DNM3: variants seen among roughly 807,000 people sequenced by gnomAD.
The protein encoded by DNM3 is dynamin 3, also known as dynamin-3.
Under a neutral mutation model 101.6 loss-of-function variants are expected in DNM3, and 47 were observed. That is an observed-to-expected ratio of 0.46 (90% CI 0.37 to 0.59). The LOEUF is 0.59. Among genes scored for constraint, DNM3 ranks in the 20% least tolerant of loss-of-function variants. The pLI is 0.00. For synonymous variants in DNM3, 385 were observed against 387.9 expected, an observed-to-expected ratio of 0.99 and a Z score of 0.09; for missense variants, 849 against 1,085.7, an observed-to-expected ratio of 0.78 and a Z score of 3.06.
intron 2 of DNM3, among the ~76,000 whole-genome samples, chr1:171,944,749 T>C (rs1465951848): frequency 6.6e-6 from 1 of 151,974 alleles, no homozygotes; most frequent in Non-Finnish European, 1.5e-5. Context: ...GCCTAAGGAA[T>C]GTTGGTCCAA....
rs116588570 is a variant in DNM3 at position 171,933,347 on chromosome 1, A to G, written c.235+11526A>G. Reference sequence around the variant, plus strand: ...TTAATTGGGACATAATATAAGTATGACTTCCTTTTGATTCATTCATTTATT... The same window carrying G: ...TTAATTGGGACATAATATAAGTATGGCTTCCTTTTGATTCATTCATTTATT... On this transcript the variant is annotated intron_variant, in intron 2 of 20. Transcript: ENST00000627582. Among the ~76,000 whole-genome samples the G allele has an allele frequency of 7.6e-3, 1,162 of 152,266 alleles. 8 individuals carry two copies. Among genetic ancestry groups the G allele is most frequent in the African/African-American group, 0.027 (1,107 of 41,542 alleles).
intron 2 of DNM3, among the ~76,000 whole-genome samples, chr1:171,978,625 CAG>C (rs1395950325): frequency 6.6e-6 from 1 of 152,136 alleles, no homozygotes; most frequent in African/African-American, 2.4e-5. Context: ...AGGCTTTAAA[CAG>C]GGGAGAAGCA....
At chr1:172,101,053 G>T (rs1005010755) in intron 13 of DNM3, among the ~76,000 whole-genome samples, 9 of 152,176 alleles carry the variant, frequency 5.9e-5, no homozygotes, top group Non-Finnish European at 7.3e-5. Context: ...ATGGGACAAG[G>T]GATGTTCCTC....
chr1:172,053,305 C>A (rs546186987), intron 10 of DNM3, among the ~76,000 whole-genome samples: 10 of 152,180 alleles, frequency 6.6e-5, no homozygotes, highest in African/African-American at 2.4e-4. Context: ...CACTTTCCCT[C>A]CTGTGTTTAC....
intron 14 of DNM3, among the ~76,000 whole-genome samples, chr1:172,240,872 A>G (rs1263600302): frequency 1.3e-5 from 2 of 152,204 alleles, no homozygotes; most frequent in East Asian, 1.9e-4. Flanking sequence ...AAAAAGAAAT[A>G]GGAAAATTCA....
At chr1:172,121,146 C>A (rs1470823155) in intron 13 of DNM3, among the ~76,000 whole-genome samples, 8 of 152,116 alleles carry the variant, frequency 5.3e-5, no homozygotes, top group Admixed American at 2.6e-4. Flanking sequence ...CATTTGGAAT[C>A]CCTTCCACAT....
At chr1:172,192,567 C>T (rs1275942983) in intron 14 of DNM3, among the ~76,000 whole-genome samples, 1 of 142,054 alleles carries the variant, frequency 7.0e-6, no homozygotes, top group East Asian at 2.2e-4. Context: ...TGATGTTCCC[C>T]TTCCTGTGTC....
chr1:172,212,461 A>C (rs1393450659), intron 14 of DNM3, among the ~76,000 whole-genome samples: 1 of 152,208 alleles, frequency 6.6e-6, no homozygotes, highest in East Asian at 1.9e-4. Flanking sequence ...GACGGAAAAT[A>C]GCTTTGCAGA....
downstream of DNM3, among the ~76,000 whole-genome samples, chr1:172,413,229 G>T (rs980358927): frequency 1.3e-5 from 2 of 151,910 alleles, no homozygotes; most frequent in Non-Finnish European, 2.9e-5. Context: ...CCAGTTTTTT[G>T]TTTGTTTGTT....
rs369065340 is a variant in DNM3 at position 172,123,826 on chromosome 1, A to C, written c.1546-7349A>C. Among the ~76,000 whole-genome samples, 4 of 152,208 alleles carry C rather than the reference A, an allele frequency of 2.6e-5. No individual in the cohort carries two copies. The East Asian group carries it at 7.7e-4, about 29-fold the overall frequency. ...TTTTATTCCATTGAGTTTAATCCTT[A>C]TTCTGGTGGCCAACCAGGGCTGTGG... is the stretch of plus-strand genomic sequence containing the variant. On this transcript the variant is annotated intron_variant, in intron 13 of 20. Coordinates refer to ENST00000627582, the MANE Select transcript of DNM3 (RefSeq NM_015569.5).
At chr1:172,003,622 G>T (rs1162971414) in intron 4 of DNM3, among the ~76,000 whole-genome samples, 1 of 151,572 alleles carries the variant, frequency 6.6e-6, no homozygotes, top group South Asian at 2.1e-4. Flanking sequence ...TGGCTGCCAG[G>T]TACCTTGAAT....
intron 14 of DNM3, among the ~76,000 whole-genome samples, chr1:172,195,215 C>G (rs2059904196): frequency 6.6e-6 from 1 of 151,912 alleles, no homozygotes; most frequent in Non-Finnish European, 1.5e-5. Flanking sequence ...TTTTTAATTT[C>G]AAATCAAATT....
chr1:172,173,022 T>G (rs1265164762), intron 14 of DNM3, among the ~76,000 whole-genome samples: 1 of 151,884 alleles, frequency 6.6e-6, no homozygotes, highest in Non-Finnish European at 1.5e-5. Context: ...TGAATAGCTC[T>G]GGAAGGGGTT....
intron 17 of DNM3, among the ~76,000 whole-genome samples, chr1:172,323,865 C>T (rs1317757418): frequency 6.6e-6 from 1 of 152,138 alleles, no homozygotes; most frequent in Admixed American, 6.6e-5. Flanking sequence ...GTCAACATTT[C>T]ACTTGGCTTC....
chr1:172,253,892 T>C (rs542642676), intron 15 of DNM3, among the ~76,000 whole-genome samples: 1 of 152,310 alleles, frequency 6.6e-6, no homozygotes, highest in Non-Finnish European at 1.5e-5. Flanking sequence ...CTTCAAGTGT[T>C]AACTAATTAT....
Position 172,409,244 on chromosome 1 carries a change from C to T in DNM3, c.*1403C>T, listed in dbSNP as rs2071080038. ...GTGTCCCATGACACTATTTCATATT[C>T]TACAGAAGTAAATCAGGTTTCACCA... is the stretch of plus-strand genomic sequence containing the variant. On this transcript the variant is annotated 3_prime_UTR_variant, in exon 21 of 21. Transcript: ENST00000627582. 1.0e-6 allele frequency: 1 copy of T among 985,242 alleles called. No homozygotes were observed. The highest frequency in any genetic ancestry group is 1.7e-5 in the African/African-American group (1 of 57,228). 61.0% of individuals were successfully genotyped at this position (985,242 alleles called of 1,614,324 possible).
At chr1:171,973,081 T>C (rs2044130111) in intron 2 of DNM3, among the ~76,000 whole-genome samples, 1 of 152,136 alleles carries the variant, frequency 6.6e-6, no homozygotes, top group South Asian at 2.1e-4. Context: ...GTAGGAGATA[T>C]GATTCCTATA....
chr1:172,356,857 G>A (rs2067479414), intron 17 of DNM3, among the ~76,000 whole-genome samples: 1 of 152,018 alleles, frequency 6.6e-6, no homozygotes, highest in African/African-American at 2.4e-5. Context: ...GACTGGGGCA[G>A]AGAAAGTACA....
intron 14 of DNM3, among the ~76,000 whole-genome samples, chr1:172,193,862 C>T (rs1436872624): frequency 6.6e-6 from 1 of 152,154 alleles, no homozygotes; most frequent in Non-Finnish European, 1.5e-5. Flanking sequence ...CTGTTTCCTT[C>T]AGTTCTGCTC....
Sources: gnomAD v4.1 joint callset for allele counts (sites outside exome capture counted in the v4.1 genomes callset) on GRCh38, gnomAD v4.1.1 for gene constraint, MANE v1.5 for transcripts, NCBI Gene and HGNC (gene_info 2026-07-23, HGNC 2026-07-21) for gene names.